AGBL4: variants seen among roughly 807,000 people sequenced by gnomAD.
The protein encoded by AGBL4 is AGBL carboxypeptidase 4, also known as cytosolic carboxypeptidase 6.
Under a neutral mutation model 66.4 loss-of-function variants are expected in AGBL4, and 58 were observed. The ratio of observed to expected loss-of-function variants is 0.87; its 90% confidence interval spans 0.71 to 1.09. AGBL4 has a LOEUF of 1.09. AGBL4 is among the 50% of genes least tolerant of loss of function. The pLI, the probability that AGBL4 is intolerant of heterozygous loss-of-function variation, is 0.00. For synonymous variants in AGBL4, 234 were observed against 222.9 expected (o/e 1.05, Z -0.44); for missense variants, 579 against 631.0 (o/e 0.92, Z 0.88).
intron 3 of AGBL4, among the ~76,000 whole-genome samples, chr1:49,563,660 C>T (rs1168864765): frequency 3.9e-5 from 6 of 152,108 alleles, no homozygotes; most frequent in African/African-American, 1.4e-4. Context: ...GGATGAAGCC[C>T]ACTTGATCAT....
intron 11 of AGBL4, among the ~76,000 whole-genome samples, chr1:48,540,741 C>T (rs1644053112): frequency 6.6e-6 from 1 of 152,140 alleles, no homozygotes; most frequent in African/African-American, 2.4e-5. Context: ...TCCAAGCTGT[C>T]ACTAACCCTT....
At chr1:48,685,115 C>A (rs549209187) in intron 6 of AGBL4, among the ~76,000 whole-genome samples, 3 of 152,326 alleles carry the variant, frequency 2.0e-5, no homozygotes, top group Admixed American at 2.0e-4. Context: ...TCCTCAGCAA[C>A]TGCCAGGAAC....
intron 2 of AGBL4, among the ~76,000 whole-genome samples, chr1:49,808,550 A>G (rs1445647229): frequency 6.6e-6 from 1 of 152,134 alleles, no homozygotes; most frequent in Admixed American, 6.5e-5. Flanking sequence ...AAAAATTAGT[A>G]TATACATATA....
chr1:49,573,154 G>C (rs1048444561), intron 3 of AGBL4, among the ~76,000 whole-genome samples: 2 of 142,172 alleles, frequency 1.4e-5, no homozygotes, highest in African/African-American at 2.9e-5. Context: ...GTCTGTGTGT[G>C]TGTGTGTGTG....
chr1:50,018,870 A>G (rs1471028737), intron 1 of AGBL4, among the ~76,000 whole-genome samples: 2 of 152,272 alleles, frequency 1.3e-5, no homozygotes, highest in African/African-American at 4.8e-5. Flanking sequence ...TGAGAAAAAT[A>G]TTTTAAACTT....
At chr1:48,795,583 T>C (rs923315537) in intron 6 of AGBL4, among the ~76,000 whole-genome samples, 2 of 152,352 alleles carry the variant, frequency 1.3e-5, no homozygotes, top group East Asian at 3.9e-4. Context: ...ATTGTTATAA[T>C]CCATTGACAT....
At chr1:48,758,949 A>G in intron 6 of AGBL4, 2 of 1,595,914 alleles carry the variant, frequency 1.3e-6, no homozygotes, top group Non-Finnish European at 1.7e-6. Flanking sequence ...GGTTAAGGTC[A>G]CGGAGCTCCT....
intron 1 of AGBL4, among the ~76,000 whole-genome samples, chr1:49,893,868 A>T (rs1225116618): frequency 6.6e-6 from 1 of 152,290 alleles, no homozygotes; most frequent in East Asian, 1.9e-4. Flanking sequence ...TAGGGCTTTG[A>T]GTGAACATAG....
At chr1:49,780,667 C>T (rs944336493) in intron 2 of AGBL4, among the ~76,000 whole-genome samples, 2 of 151,740 alleles carry the variant, frequency 1.3e-5, no homozygotes. Context: ...TAAATATGAA[C>T]TAAATTCTGA....
rs150566813 is a variant in AGBL4, at chr1:48,853,168, G to A, written c.634+14023C>T. Among the ~76,000 whole-genome samples, 74 of 152,256 alleles carry A rather than the reference G, an allele frequency of 4.9e-4. 1 individual carries two copies. The South Asian group carries it at 9.8e-3, about 20-fold the overall frequency. On this transcript the variant is annotated intron_variant, in intron 6 of 13. Coordinates refer to ENST00000371839, the MANE Select transcript of AGBL4 (RefSeq NM_032785.4). ...AGCAGCCCCACAGAGAAGTCTATGTGGCAAGGAACTGAGGTCTCCTGCCAA... is the reference window on the plus strand; with the variant it reads ...AGCAGCCCCACAGAGAAGTCTATGTAGCAAGGAACTGAGGTCTCCTGCCAA...
chr1:49,087,796 C>T (rs973245414), intron 4 of AGBL4, among the ~76,000 whole-genome samples: 2 of 152,100 alleles, frequency 1.3e-5, no homozygotes, highest in African/African-American at 4.8e-5. Flanking sequence ...TCAGATTCTA[C>T]AAGGTCACAA....
At chr1:49,482,681 T>C (rs1304192134) in intron 3 of AGBL4, among the ~76,000 whole-genome samples, 1 of 152,028 alleles carries the variant, frequency 6.6e-6, no homozygotes, top group East Asian at 1.9e-4. Context: ...CGAGATTTGT[T>C]TGCCATTGGT....
intron 1 of AGBL4, among the ~76,000 whole-genome samples, chr1:49,966,305 T>C (rs768082875): frequency 1.6e-4 from 25 of 152,224 alleles, no homozygotes; most frequent in Non-Finnish European, 3.2e-4. Context: ...CAGAGAGTTA[T>C]ATTGTTACAT....
At chr1:48,923,787 C>G (rs1355864350) in intron 5 of AGBL4, among the ~76,000 whole-genome samples, 1 of 152,154 alleles carries the variant, frequency 6.6e-6, no homozygotes. Context: ...TAGCCCAGGA[C>G]CAATGTACAT....
At chr1:49,111,971 G>A (rs1645421143) in intron 4 of AGBL4, among the ~76,000 whole-genome samples, 1 of 152,174 alleles carries the variant, frequency 6.6e-6, no homozygotes, top group African/African-American at 2.4e-5. Context: ...GGTTATCAGG[G>A]AAGGCTTTCA....
At chr1:49,292,016 A>C (rs138104016) in intron 3 of AGBL4, among the ~76,000 whole-genome samples, 16 of 152,334 alleles carry the variant, frequency 1.1e-4, no homozygotes, top group Non-Finnish European at 2.1e-4. Context: ...TTGAGGGCCC[A>C]GGAAGGCCCC....
chr1:48,685,316 A>T (rs1373457659), intron 6 of AGBL4, among the ~76,000 whole-genome samples: 2 of 152,226 alleles, frequency 1.3e-5, no homozygotes, highest in Non-Finnish European at 2.9e-5. Context: ...AGCCTTAAAC[A>T]TCTTACAGAG....
intron 4 of AGBL4, among the ~76,000 whole-genome samples, chr1:49,139,907 T>C (rs1223222268): frequency 6.6e-6 from 1 of 152,182 alleles, no homozygotes; most frequent in Admixed American, 6.5e-5. Flanking sequence ...TATAACCTTG[T>C]CTGTTTTTGC....
chr1:49,811,563 C>T (rs1274147486), intron 2 of AGBL4, among the ~76,000 whole-genome samples: 2 of 152,036 alleles, frequency 1.3e-5, no homozygotes, highest in African/African-American at 4.8e-5. Flanking sequence ...TTACACTAAT[C>T]GAAGCACTTT....
Sources: allele counts gnomAD v4.1 joint callset (sites outside exome capture counted in the v4.1 genomes callset), GRCh38; gene constraint gnomAD v4.1.1; transcripts MANE v1.5; gene names NCBI Gene and HGNC (gene_info 2026-07-23, HGNC 2026-07-21).